Variants in ANKMY1 observed in about 807,000 individuals in gnomAD.
ANKMY1 encodes the protein ankyrin repeat and MYND domain containing 1.
A neutral mutation model predicts 102.0 loss-of-function variants in ANKMY1; 98 were observed. The ratio of observed to expected loss-of-function variants is 0.96; its 90% CI spans 0.82 to 1.14. The LOEUF is 1.14. Ranked by LOEUF, ANKMY1 falls within the 50% of genes most tolerant of loss-of-function variation. ANKMY1 has a pLI of 0.00. For missense variants in ANKMY1, 1,330 were observed against 1,347.6 expected (o/e 0.99, Z 0.20); for synonymous variants, 582 against 559.9 (o/e 1.04, Z -0.56).
Position 240,499,903 on chromosome 2 carries a change from C to A in ANKMY1, c.2806+55G>T, listed in dbSNP as rs2077874498. The A allele has an allele frequency of 1.3e-6, 2 of 1,541,542 alleles. No homozygotes were observed. The highest frequency in any genetic ancestry group is 1.8e-6 in the Non-Finnish European group (2 of 1,137,942). The stretch of plus-strand genomic sequence containing the variant: ...GATCTCCAGGGATAACAGCCCCAGG[C>A]ACGAGGCCGGAACGCCGCCCTGTGG... On this transcript the variant is annotated intron_variant, in intron 15 of 17. Transcript: ENST00000401804. The surrounding 1 kb of genome is among the most constrained non-coding windows in gnomAD (Gnocchi z 4.2).
chr2:240,508,584 T>C (rs4676435), intron 12 of ANKMY1, among the ~76,000 whole-genome samples: 94,957 of 152,206 alleles, frequency 0.62, 29,994 homozygotes, highest in East Asian at 0.77. Flanking sequence ...TTATTTTCTT[T>C]ATAATACTTG....
chr2:240,485,571 C>T (rs1194631153), intron 15 of ANKMY1, among the ~76,000 whole-genome samples: 3 of 150,322 alleles, frequency 2.0e-5, no homozygotes, highest in East Asian at 3.9e-4. Context: ...TCAGCCTTTA[C>T]CACATGAATC....
intron 13 of ANKMY1, among the ~76,000 whole-genome samples, chr2:240,500,857 A>AGAGTCTGTGACATCCATTACAGCG (rs2078060046): frequency 6.6e-6 from 1 of 152,238 alleles, no homozygotes; most frequent in South Asian, 2.1e-4. Flanking sequence ...TAGAATCGAC[A>AGAGTCTGTGACATCCATTACAGCG]GAGTCTGTGA....
chr2:240,540,870 G>T (rs924341249), intron 4 of ANKMY1, among the ~76,000 whole-genome samples: 1 of 152,186 alleles, frequency 6.6e-6, no homozygotes, highest in East Asian at 1.9e-4. Flanking sequence ...CTAAACAGCT[G>T]CCAGCCCAAT....
intron 16 of ANKMY1, among the ~76,000 whole-genome samples, chr2:240,481,523 G>A (rs1250688300): frequency 5.3e-5 from 8 of 152,212 alleles, no homozygotes. Context: ...GAAACTCTAA[G>A]CACCAGTCTC....
chr2:240,499,897 C>T lies in ANKMY1; in HGVS notation c.2806+61G>A. On this transcript the variant is annotated intron_variant, in intron 15 of 17. Transcript: ENST00000401804. The surrounding 1 kb of genome is among the most constrained non-coding windows in gnomAD (Gnocchi z 4.2). ...GGTCCAGATCTCCAGGGATAACAGC[C>T]CCAGGCACGAGGCCGGAACGCCGCC... is the stretch of plus-strand genomic sequence containing the variant. 1 of 1,530,686 alleles carries T rather than the reference C, an allele frequency of 6.5e-7. No homozygotes were observed. Among genetic ancestry groups the T allele is most frequent in the South Asian group, 1.2e-5 (1 of 80,354 alleles). 94.8% of individuals were successfully genotyped at this position (1,530,686 alleles called of 1,614,324 possible).
At chr2:240,493,997 G>A (rs978844373) in intron 15 of ANKMY1, among the ~76,000 whole-genome samples, 2 of 152,158 alleles carry the variant, frequency 1.3e-5, no homozygotes, top group Admixed American at 1.3e-4. Flanking sequence ...GATGAGTTGG[G>A]TGGATCAGTC....
chr2:240,540,808 C>T (rs1363531409), intron 4 of ANKMY1, among the ~76,000 whole-genome samples: 1 of 152,180 alleles, frequency 6.6e-6, no homozygotes, highest in Non-Finnish European at 1.5e-5. Context: ...TGACAAGGAA[C>T]GCATTGCTCG....
intron 12 of ANKMY1, among the ~76,000 whole-genome samples, chr2:240,508,883 T>G (rs1289963710): frequency 6.6e-6 from 1 of 151,746 alleles, no homozygotes; most frequent in Non-Finnish European, 1.5e-5. Context: ...GATGGATGGA[T>G]GGACAGACGG....
rs1483894019 is a variant in ANKMY1 at position 240,529,642 on chromosome 2, T to C, written c.481-133A>G. ...AATGCATGCATTCAGCCAGTAAACA[T>C]CTCTGGAGGCTTAGGCTGTGCCGCC... On this transcript the variant is annotated intron_variant, in intron 4 of 17. Transcript: ENST00000401804. The surrounding 1 kb of genome is among the most constrained non-coding windows in gnomAD (Gnocchi z 4.2). 5.6e-6 allele frequency: 5 copies of C among 892,368 alleles called. No individual in the cohort carries two copies. In the African/African-American group the frequency reaches 8.5e-5, roughly 15 times the overall value. The allele number at this position is 892,368 out of a possible 1,614,324, so 55.3% of individuals were successfully genotyped here.
Position 240,526,237 on chromosome 2 carries a change from C to T in ANKMY1, c.1162G>A (p.Ala388Thr), listed in dbSNP as rs761208036. ...GAGGGTGTGGGGCTTACAGCAGCCG[C>T]AGCAAGCACAGTGTAGCCCTTTGCG... is the stretch of plus-strand genomic sequence containing the variant. ...ADAKGYTVLAAAATHCHNDIV... is the reference protein window; with the variant it reads ...ADAKGYTVLATAATHCHNDIV... Residue 388 changes from alanine to threonine, a missense_variant, in exon 6 of 18, where the codon GCG becomes ACG. Physicochemically the swap from Ala to Thr is moderately conservative, Grantham distance 58. Coordinates refer to ENST00000401804, the MANE Select transcript of ANKMY1 (RefSeq NM_001282771.3). The T allele has an allele frequency of 2.5e-6, 4 of 1,613,956 alleles. No individual in the cohort carries two copies.
chr2:240,469,203 G>C, the ANKMY1 span, among the ~76,000 whole-genome samples: 2 of 152,204 alleles, frequency 1.3e-5, no homozygotes, highest in African/African-American at 4.8e-5. Context: ...TTTTGAACCT[G>C]GGCAAATGCA....
At chr2:240,532,186 A>T in intron 4 of ANKMY1, 1 of 450,102 alleles carries the variant, frequency 2.2e-6, no homozygotes, top group Admixed American at 2.6e-5. Context: ...AAGAAGAGAC[A>T]GAATATATTC....
intron 15 of ANKMY1, among the ~76,000 whole-genome samples, chr2:240,491,632 TCCGGGG>T (rs2151936620): frequency 6.6e-6 from 1 of 152,336 alleles, no homozygotes; most frequent in Admixed American, 6.5e-5. Flanking sequence ...CATTTGTTTG[TCCGGGG>T]TGACTTTATA....
At chr2:240,491,276 C>A (rs2076622288) in intron 15 of ANKMY1, among the ~76,000 whole-genome samples, 1 of 151,960 alleles carries the variant, frequency 6.6e-6, no homozygotes, top group Non-Finnish European at 1.5e-5. Flanking sequence ...ATTTTTTGAT[C>A]ATGGATCATT....
chr2:240,468,902 C>T, the ANKMY1 span, among the ~76,000 whole-genome samples: 3 of 152,214 alleles, frequency 2.0e-5, no homozygotes, highest in Admixed American at 2.0e-4. Flanking sequence ...AGGCCTCCCA[C>T]AAAGCATCTG....
At chr2:240,556,689 C>T (rs1405756631) in intron 2 of ANKMY1, among the ~76,000 whole-genome samples, 1 of 152,206 alleles carries the variant, frequency 6.6e-6, no homozygotes, top group Non-Finnish European at 1.5e-5. Flanking sequence ...TCTTCTCAAT[C>T]CTTTGTCCCC....
At chr2:240,541,869 G>A (rs560585053) in intron 4 of ANKMY1, among the ~76,000 whole-genome samples, 1 of 152,082 alleles carries the variant, frequency 6.6e-6, no homozygotes, top group South Asian at 2.1e-4. Flanking sequence ...CTGGGGTGCT[G>A]TTTGGCCCAA....
chr2:240,482,553 C>G (rs557270974), intron 15 of ANKMY1, among the ~76,000 whole-genome samples: 1 of 152,356 alleles, frequency 6.6e-6, no homozygotes, highest in South Asian at 2.1e-4. Flanking sequence ...TCAAATTTCC[C>G]CTTTGGGTTC....
Sources: gnomAD v4.1 joint callset for allele counts (sites outside exome capture counted in the v4.1 genomes callset) on GRCh38, gnomAD v4.1.1 for gene constraint, Gnocchi (gnomAD v3.1) non-coding constraint, MANE v1.5 for transcripts, NCBI Gene and HGNC (gene_info 2026-07-23, HGNC 2026-07-21) for gene names.